The following AKT3 variants were observed in gnomAD, a reference collection of about 807,000 sequenced individuals.
AKT3 encodes the protein AKT serine/threonine kinase 3, also known as RAC-gamma serine/threonine-protein kinase.
A neutral mutation model predicts 65.3 loss-of-function variants in AKT3; 15 were observed. That is an observed-to-expected ratio of 0.23 (90% CI 0.15 to 0.35). The LOEUF (loss-of-function observed/expected upper bound fraction) is 0.35, where lower values mean the gene tolerates loss of function less well. AKT3 is among the 10% of genes least tolerant of loss of function. The probability of loss-of-function intolerance (pLI) is 1.00; values close to 1 mark genes in which losing one functional copy is unlikely to be tolerated. For synonymous variants in AKT3, 206 were observed against 183.8 expected, an observed-to-expected ratio of 1.12 and a Z score of -0.98; for missense variants, 243 against 576.5, an observed-to-expected ratio of 0.42 and a Z score of 5.92.
At chr1:243,671,148 G>A (rs775765663) in intron 3 of AKT3, among the ~76,000 whole-genome samples, 17 of 148,258 alleles carry the variant, frequency 1.1e-4, no homozygotes, top group African/African-American at 2.0e-4. Context: ...GCGCAATCTC[G>A]GCTCATGCAA....
chr1:243,678,484 A>G (rs1683686400), intron 3 of AKT3, among the ~76,000 whole-genome samples: 1 of 152,164 alleles, frequency 6.6e-6, no homozygotes, highest in African/African-American at 2.4e-5. Context: ...TTTGCTTTCT[A>G]TTATATCTTT....
chr1:243,754,702 TCTAA>T (rs1330737761), intron 2 of AKT3, among the ~76,000 whole-genome samples: 7 of 152,110 alleles, frequency 4.6e-5, no homozygotes, highest in East Asian at 1.9e-4. Context: ...CCTTTGAGAA[TCTAA>T]CTAATACCTG....
chr1:243,551,501 T>C (rs866745249), intron 11 of AKT3, among the ~76,000 whole-genome samples: 8 of 152,052 alleles, frequency 5.3e-5, no homozygotes, highest in Middle Eastern at 3.4e-3. Flanking sequence ...AAGAATACAA[T>C]GAAAACCATT....
chr1:243,836,793 C>G (rs1314285706), intron 2 of AKT3, among the ~76,000 whole-genome samples: 1 of 151,776 alleles, frequency 6.6e-6, no homozygotes, highest in Non-Finnish European at 1.5e-5. Flanking sequence ...GACTGTAAAT[C>G]CCAGCTACTC....
chr1:243,617,221 G>C (rs1678398073), intron 6 of AKT3, among the ~76,000 whole-genome samples: 1 of 129,852 alleles, frequency 7.7e-6, no homozygotes, highest in African/African-American at 2.9e-5. Flanking sequence ...ATCAGAGACA[G>C]GACACTGAAC....
chr1:243,772,836 AC>A (rs1300111949), intron 2 of AKT3, among the ~76,000 whole-genome samples: 1 of 152,102 alleles, frequency 6.6e-6, no homozygotes, highest in Non-Finnish European at 1.5e-5. Flanking sequence ...GCACATATAC[AC>A]CATGGAATAC....
intron 2 of AKT3, among the ~76,000 whole-genome samples, chr1:243,798,778 C>T (rs559904661): frequency 1.3e-5 from 2 of 151,162 alleles, no homozygotes; most frequent in Admixed American, 1.3e-4. Flanking sequence ...TCTCATTTCC[C>T]ATTCACTCCT....
At chr1:243,848,216 C>T (rs1695599415) in intron 1 of AKT3, among the ~76,000 whole-genome samples, 1 of 152,122 alleles carries the variant, frequency 6.6e-6, no homozygotes, top group South Asian at 2.1e-4. Context: ...AAAAGATCTT[C>T]AAGTACCATC....
intron 2 of AKT3, among the ~76,000 whole-genome samples, chr1:243,786,156 A>G (rs1691248457): frequency 6.6e-6 from 1 of 152,216 alleles, no homozygotes; most frequent in Non-Finnish European, 1.5e-5. Context: ...CAAAAACACA[A>G]GGGAAATGCA....
intron 3 of AKT3, among the ~76,000 whole-genome samples, chr1:243,673,048 T>C (rs1419669697): frequency 1.3e-5 from 2 of 152,242 alleles, no homozygotes; most frequent in Non-Finnish European, 2.9e-5. Context: ...GTTGGTTTTT[T>C]GGCTTTGATT....
rs2148363374 is a variant in AKT3, at chr1:243,512,336, G to C, written c.1342C>G (p.Pro448Ala). The change falls in exon 13 of 14, where the codon CCA becomes GCA. Residue 448 changes from proline to alanine, a missense_variant. By Grantham distance (27) the Pro-to-Ala change is conservative. Around this residue, in one of 6 missense-constraint regions of AKT3, gnomAD observed 57 missense variants for 107.6 expected, o/e 0.53. Transcript: ENST00000673466. ...TAAATTTACTTACATTTTTCAGGTG[G>C]TGTTATTGTAATAGTCTGAGCTGTA... ...EFTAQTITITPPEKYDEDGMD... is the reference protein window; with the variant it reads ...EFTAQTITITAPEKYDEDGMD... The C allele has an allele frequency of 6.7e-7, 1 of 1,499,152 alleles. No individual in the cohort carries two copies. The highest frequency in any genetic ancestry group is 9.1e-7 in the Non-Finnish European group (1 of 1,100,480). 92.9% of individuals were successfully genotyped at this position (1,499,152 alleles called of 1,614,324 possible).
At chr1:243,831,926 C>T (rs975467849) in intron 2 of AKT3, among the ~76,000 whole-genome samples, 7 of 151,596 alleles carry the variant, frequency 4.6e-5, no homozygotes, top group Middle Eastern at 3.2e-3. Context: ...GGTACTAATC[C>T]TGGCTCTATA....
Position 243,772,427 on chromosome 1 carries a change from T to C in AKT3, c.46+70698A>G, listed in dbSNP as rs556079555. 4.6e-5 allele frequency among the ~76,000 whole-genome samples: 7 copies of C among 152,108 alleles called. No individual in the cohort carries two copies. The South Asian group carries it at 1.5e-3, about 32-fold the overall frequency. ...AAGACAGTTACGCAGCCAAAAGACA[T>C]ATGAAAAAATGCTCTTCATCACTGG... On this transcript the variant is annotated intron_variant, in intron 2 of 13. Coordinates refer to ENST00000673466, the MANE Select transcript of AKT3 (RefSeq NM_005465.7).
chr1:243,747,194 C>T (rs952138784), intron 2 of AKT3, among the ~76,000 whole-genome samples: 1 of 151,932 alleles, frequency 6.6e-6, no homozygotes, highest in African/African-American at 2.4e-5. Flanking sequence ...CTGTTCCTAG[C>T]ACAACAAAGG....
rs115841714 is a variant in AKT3, at chr1:243,720,498, A to C, written c.47-24782T>G. 5.1e-3 allele frequency among the ~76,000 whole-genome samples: 779 copies of C among 151,396 alleles called. 9 individuals are homozygous for C. The highest frequency in any genetic ancestry group is 0.018 in the African/African-American group (738 of 41,384). On this transcript the variant is annotated intron_variant, in intron 2 of 13. Transcript: ENST00000673466. The stretch of plus-strand genomic sequence containing the variant: ...AATGTCAAAATATAATTAAAAGCTA[A>C]GTATAATATAATCTTCATGTGTTTT...
intron 2 of AKT3, among the ~76,000 whole-genome samples, chr1:243,816,705 G>T (rs1288917706): frequency 6.6e-6 from 1 of 152,042 alleles, no homozygotes; most frequent in South Asian, 2.1e-4. Flanking sequence ...ATAGAAATCT[G>T]AATCAGTGAA....
intron 3 of AKT3, among the ~76,000 whole-genome samples, chr1:243,670,424 C>T (rs1465877138): frequency 6.6e-6 from 1 of 152,038 alleles, no homozygotes; most frequent in Non-Finnish European, 1.5e-5. Flanking sequence ...CTTGCATGTT[C>T]GCAATAAGGA....
At chr1:243,788,396 A>C (rs913662605) in intron 2 of AKT3, among the ~76,000 whole-genome samples, 5 of 152,182 alleles carry the variant, frequency 3.3e-5, no homozygotes, top group Admixed American at 2.6e-4. Flanking sequence ...TTCCACTATA[A>C]ATTCATTATG....
Position 243,504,622 on chromosome 1 carries a change from TTA to T in AKT3, c.*625_*626del. 1 of 175,086 alleles carries T rather than the reference TTA, an allele frequency of 5.7e-6. No homozygotes were observed. Among genetic ancestry groups the T allele is most frequent in the Non-Finnish European group, 1.2e-5 (1 of 82,932 alleles). 10.8% of individuals were successfully genotyped at this position (175,086 alleles called of 1,614,324 possible). ...TTCTTCTACAGTATCCACCAGGAATTTAAAAAAAAAAAATTATATATATATAT... is the reference window on the plus strand; with the variant it reads ...TTCTTCTACAGTATCCACCAGGAATTAAAAAAAAAAATTATATATATATAT... On this transcript the variant is annotated 3_prime_UTR_variant, in exon 14 of 14. Coordinates refer to ENST00000673466, the MANE Select transcript of AKT3 (RefSeq NM_005465.7).
Sources: allele counts gnomAD v4.1 joint callset (sites outside exome capture counted in the v4.1 genomes callset), GRCh38; gene constraint gnomAD v4.1.1; regional missense constraint gnomAD v4.1.1; transcripts MANE v1.5; gene names NCBI Gene and HGNC (gene_info 2026-07-23, HGNC 2026-07-21).